The following SSBP2 variants were observed in gnomAD, a reference collection of about 807,000 sequenced individuals.
The protein encoded by SSBP2 is single stranded DNA binding protein 2, also known as single-stranded DNA-binding protein 2.
Under a neutral mutation model 61.8 loss-of-function variants are expected in SSBP2, and 17 were observed. The ratio of observed to expected loss-of-function variants is 0.28; its 90% CI spans 0.19 to 0.41. The LOEUF (loss-of-function observed/expected upper bound fraction) is 0.41. Ranked by LOEUF, SSBP2 falls within the 10% of genes least tolerant of loss-of-function variation. SSBP2 has a pLI of 1.00. For synonymous variants in SSBP2, 139 were observed against 141.3 expected (o/e 0.98, Z 0.12); for missense variants, 310 against 458.7 (o/e 0.68, Z 2.96).
At chr5:81,478,622 C>A (rs574182736) in intron 6 of SSBP2, among the ~76,000 whole-genome samples, 1 of 152,318 alleles carries the variant, frequency 6.6e-6, no homozygotes, top group African/African-American at 2.4e-5. Flanking sequence ...CAGGCGTGAG[C>A]CACCACACCC....
At chr5:81,731,715 T>C (rs1342974021) in intron 1 of SSBP2, among the ~76,000 whole-genome samples, 2 of 152,084 alleles carry the variant, frequency 1.3e-5, no homozygotes, top group East Asian at 1.9e-4. Flanking sequence ...TGTAGATAAC[T>C]TGGGAAGACT....
chr5:81,430,738 T>C (rs999681469), intron 15 of SSBP2, among the ~76,000 whole-genome samples: 1 of 152,128 alleles, frequency 6.6e-6, no homozygotes, highest in Non-Finnish European at 1.5e-5. Flanking sequence ...TGTGTGTATG[T>C]GTGGTGGGGA....
chr5:81,431,364 ACCAAC>A (rs1762273335), intron 15 of SSBP2, among the ~76,000 whole-genome samples: 2 of 152,210 alleles, frequency 1.3e-5, no homozygotes, highest in Non-Finnish European at 2.9e-5. Context: ...TTATACTGAT[ACCAAC>A]TTCAAGAAAT....
At chr5:81,420,814 C>CCAGA (rs1761558844) in intron 16 of SSBP2, among the ~76,000 whole-genome samples, 1 of 152,182 alleles carries the variant, frequency 6.6e-6, no homozygotes, top group South Asian at 2.1e-4. Context: ...CTCCCTCCAT[C>CCAGA]CAGACAGATT....
chr5:81,655,162 T>C (rs923843821), intron 1 of SSBP2, among the ~76,000 whole-genome samples: 8 of 151,928 alleles, frequency 5.3e-5, no homozygotes, highest in African/African-American at 1.9e-4. Context: ...AAAATATACA[T>C]ATAAAGAAAA....
At chr5:81,518,030 C>T (rs888530077) in intron 4 of SSBP2, among the ~76,000 whole-genome samples, 1 of 152,032 alleles carries the variant, frequency 6.6e-6, no homozygotes, top group South Asian at 2.1e-4. Flanking sequence ...ATTCTACACA[C>T]TGAATAACAA....
At chr5:81,427,335 G>A (rs1010530021) in intron 16 of SSBP2, among the ~76,000 whole-genome samples, 3 of 151,550 alleles carry the variant, frequency 2.0e-5, no homozygotes, top group Admixed American at 1.3e-4. Flanking sequence ...TTTTTCAACT[G>A]TAAACTGTTA....
At chr5:81,456,819 T>A (rs1444856553) in intron 10 of SSBP2, among the ~76,000 whole-genome samples, 2 of 152,138 alleles carry the variant, frequency 1.3e-5, no homozygotes, top group African/African-American at 2.4e-5. Context: ...TATGACAAAA[T>A]TGTGGACAAA....
chr5:81,523,077 T>TA (rs746617778), intron 4 of SSBP2, among the ~76,000 whole-genome samples: 2 of 151,832 alleles, frequency 1.3e-5, no homozygotes, highest in Non-Finnish European at 2.9e-5. Context: ...CAAATGAAAA[T>TA]AAGAGTGCTG....
At chr5:81,643,818 G>T (rs1561645492) in intron 2 of SSBP2, among the ~76,000 whole-genome samples, 1 of 151,876 alleles carries the variant, frequency 6.6e-6, no homozygotes, top group Non-Finnish European at 1.5e-5. Context: ...GGCCAGGCTG[G>T]TCTCAAACTC....
intron 1 of SSBP2, among the ~76,000 whole-genome samples, chr5:81,680,272 A>C (rs1370396708): frequency 6.7e-6 from 1 of 149,366 alleles, no homozygotes; most frequent in Non-Finnish European, 1.5e-5. Context: ...TCATAATAAT[A>C]AATATGCATG....
chr5:81,581,317 T>C (rs1774627233), intron 4 of SSBP2, among the ~76,000 whole-genome samples: 1 of 152,186 alleles, frequency 6.6e-6, no homozygotes, highest in South Asian at 2.1e-4. Flanking sequence ...ATAGAAGGCT[T>C]GAGCGGCATT....
intron 1 of SSBP2, among the ~76,000 whole-genome samples, chr5:81,676,100 G>C (rs529880033): frequency 2.0e-5 from 3 of 152,142 alleles, no homozygotes; most frequent in Admixed American, 2.0e-4. Context: ...TCGCTTCTCT[G>C]TTCTGCCTCT....
intron 2 of SSBP2, among the ~76,000 whole-genome samples, chr5:81,649,570 T>C (rs1475861581): frequency 1.3e-5 from 2 of 152,024 alleles, no homozygotes; most frequent in South Asian, 2.1e-4. Flanking sequence ...GAGCTACACA[T>C]TGAGCACACA....
chr5:81,636,408 G>A (rs754584403), intron 3 of SSBP2, 149 bp downstream of exon 3: 2 of 529,726 alleles, frequency 3.8e-6, no homozygotes, highest in Non-Finnish European at 6.6e-6. Flanking sequence ...ACTAGTGCTG[G>A]TTTTTAAGGG....
chr5:81,456,571 C>G (rs1764164194), intron 10 of SSBP2, among the ~76,000 whole-genome samples: 1 of 147,766 alleles, frequency 6.8e-6, no homozygotes, highest in Admixed American at 6.8e-5. Context: ...AGAACTTGTA[C>G]AAAGATCAGA....
chr5:81,749,178 T>C (rs1757545983), intron 1 of SSBP2, among the ~76,000 whole-genome samples: 1 of 152,248 alleles, frequency 6.6e-6, no homozygotes, highest in South Asian at 2.1e-4. Flanking sequence ...ACTTCAATTC[T>C]AGTAACTGCC....
At chr5:81,473,886 C>T in intron 7 of SSBP2, 116 bp from the exon 8 acceptor site, 1 of 899,956 alleles carries the variant, frequency 1.1e-6, no homozygotes. Context: ...TGAGTACTGA[C>T]ACCATCTTAC....
intron 15 of SSBP2, among the ~76,000 whole-genome samples, chr5:81,433,398 G>A (rs1171202561): frequency 9.9e-5 from 15 of 151,930 alleles, no homozygotes; most frequent in South Asian, 2.1e-4. Flanking sequence ...TTAAACAGAT[G>A]CTTGAAGGCA....
Sources: allele counts gnomAD v4.1 joint callset (sites outside exome capture counted in the v4.1 genomes callset), GRCh38; gene constraint gnomAD v4.1.1; transcripts MANE v1.5; gene names NCBI Gene and HGNC (gene_info 2026-07-23, HGNC 2026-07-21).